Variants in PLCE1 observed in about 807,000 individuals in gnomAD.
PLCE1 encodes phospholipase C epsilon 1.
Under a neutral mutation model 242.8 loss-of-function variants are expected in PLCE1, and 119 were observed. The observed-to-expected ratio is 0.49, with a 90% CI of 0.42 to 0.57. The LOEUF is 0.57. PLCE1 is among the 20% of genes least tolerant of loss of function. PLCE1 has a pLI of 0.00. For synonymous variants in PLCE1, 945 were observed against 1,017.4 expected (o/e 0.93, Z 1.35); for missense variants, 2,441 against 2,788.8 (o/e 0.88, Z 2.81).
intron 5 of PLCE1, 44 bp downstream of exon 5, chr10:94,227,495 TC>T (rs1564807236): frequency 1.3e-6 from 2 of 1,567,410 alleles, no homozygotes; most frequent in South Asian, 1.1e-5. Context: ...CAATCGCTTC[TC>T]ATCACCTGAA....
intron 20 of PLCE1, among the ~76,000 whole-genome samples, chr10:94,282,415 A>G (rs1225387107): frequency 6.6e-6 from 1 of 152,078 alleles, no homozygotes; most frequent in East Asian, 1.9e-4. Context: ...TACACTGCAG[A>G]CAAATTTGAA....
At chr10:94,068,953 C>T (rs1021718310) in intron 2 of PLCE1, among the ~76,000 whole-genome samples, 24 of 152,264 alleles carry the variant, frequency 1.6e-4, no homozygotes, top group African/African-American at 5.8e-4. Flanking sequence ...TCACTACCCT[C>T]TTGCCCTGCC....
intron 3 of PLCE1, among the ~76,000 whole-genome samples, chr10:94,158,789 C>T (rs1590147977): frequency 6.8e-6 from 1 of 148,044 alleles, no homozygotes; most frequent in South Asian, 2.1e-4. Flanking sequence ...AATGTAACAA[C>T]AAAAACATTA....
intron 1 of PLCE1, among the ~76,000 whole-genome samples, chr10:94,023,321 G>A (rs1166549403): frequency 1.3e-5 from 2 of 152,106 alleles, no homozygotes; most frequent in Admixed American, 1.3e-4. Flanking sequence ...AATAGACTAG[G>A]ATTGACTTTT....
rs373376149 is a variant in PLCE1 at position 94,030,406 on chromosome 10, C to T, written c.-364-277C>T. ...TTCAGACATCAATGTCTGTGTTGCTCGTTGTTCAATATCTGAAAACCACTG... is the reference window on the plus strand; with the variant it reads ...TTCAGACATCAATGTCTGTGTTGCTTGTTGTTCAATATCTGAAAACCACTG... On this transcript the variant is annotated intron_variant, in intron 1 of 32. Coordinates refer to ENST00000371380, the MANE Select transcript of PLCE1 (RefSeq NM_016341.4). 1.9e-4 allele frequency among the ~76,000 whole-genome samples: 29 copies of T among 151,084 alleles called. No individual in the cohort carries two copies. The East Asian group carries it at 4.8e-3, about 25-fold the overall frequency.
chr10:94,103,249 A>G (rs1369247906), intron 2 of PLCE1, among the ~76,000 whole-genome samples: 2 of 152,326 alleles, frequency 1.3e-5, no homozygotes, highest in Middle Eastern at 3.4e-3. Context: ...TTTTACAGAT[A>G]GGCAAACTGA....
At chr10:94,198,050 T>G (rs1354466581) in intron 4 of PLCE1, among the ~76,000 whole-genome samples, 4 of 141,456 alleles carry the variant, frequency 2.8e-5, no homozygotes, top group African/African-American at 1.1e-4. Flanking sequence ...ACCTGTTGGA[T>G]GAACTGATGA....
chr10:94,008,191 CAAAAAAA>C (rs745999207), intron 1 of PLCE1, among the ~76,000 whole-genome samples: 1 of 55,210 alleles, frequency 1.8e-5, no homozygotes, highest in Non-Finnish European at 3.6e-5. Context: ...GACCTTGTCT[CAAAAAAA>C]AAAAAAAAAA....
chr10:94,295,138 G>A (rs907244742), intron 23 of PLCE1, among the ~76,000 whole-genome samples: 1 of 151,598 alleles, frequency 6.6e-6, no homozygotes. Context: ...GGGTGGTCTC[G>A]ATCTCCTCAC....
intron 2 of PLCE1, among the ~76,000 whole-genome samples, chr10:94,127,316 G>A (rs1413455948): frequency 6.6e-6 from 1 of 152,182 alleles, no homozygotes; most frequent in Non-Finnish European, 1.5e-5. Context: ...TGTGGCAGCA[G>A]TTGGACTGGC....
At chr10:94,052,181 C>T (rs2043784086) in intron 2 of PLCE1, among the ~76,000 whole-genome samples, 1 of 152,140 alleles carries the variant, frequency 6.6e-6, no homozygotes, top group African/African-American at 2.4e-5. Flanking sequence ...GTAACCAAAC[C>T]AAAAAGCAAT....
At position 94,235,062 on chromosome 10, in the gene PLCE1, TCA is replaced by T. The variant is rs3222767; in HGVS notation, c.2214+787_2214+788del. ...GATGACAGAACCTACTACTGACCTTTCACACACACACACACACACACACACAC... is the reference window on the plus strand; with the variant it reads ...GATGACAGAACCTACTACTGACCTTTCACACACACACACACACACACACAC... On this transcript the variant is annotated intron_variant, in intron 6 of 32. Transcript: ENST00000371380. 2.7e-3 allele frequency among the ~76,000 whole-genome samples: 367 copies of T among 135,524 alleles called. 5 individuals are homozygous for T. The highest frequency in any genetic ancestry group is 7.4e-3 in the Middle Eastern group (2 of 272). The allele number at this position is 135,524 out of a possible 152,430, so 88.9% of individuals were successfully genotyped here. A position where few individuals can be genotyped will look rare whatever the true frequency, so the allele number is the denominator to read the frequency against.
chr10:94,332,527 GT>G lies in PLCE1; in HGVS notation c.*4585del, dbSNP rs2054172776. The G allele has an allele frequency of 6.6e-6, 1 of 151,906 alleles. No individual in the cohort carries two copies. Among genetic ancestry groups the G allele is most frequent in the Non-Finnish European group, 1.5e-5 (1 of 68,038 alleles). The allele number at this position is 151,906 out of a possible 1,614,324, so 9.4% of individuals were successfully genotyped here. On this transcript the variant is annotated 3_prime_UTR_variant, in exon 33 of 33. Transcript: ENST00000371380. ...TGCCTGTGTGTGTGTGTGTGTGTGTGTGTGTGTGTGTGTGTGTGTGTTTAAA... is the reference window on the plus strand; with the variant it reads ...TGCCTGTGTGTGTGTGTGTGTGTGTGGTGTGTGTGTGTGTGTGTGTTTAAA...
intron 19 of PLCE1, among the ~76,000 whole-genome samples, chr10:94,276,130 G>A (rs185116163): frequency 4.4e-4 from 67 of 152,300 alleles, no homozygotes; most frequent in African/African-American, 1.5e-3. Flanking sequence ...TTGCCCTTGA[G>A]TCAGCCAGCC....
intron 2 of PLCE1, among the ~76,000 whole-genome samples, chr10:94,037,479 A>G (rs919798361): frequency 6.6e-6 from 1 of 152,196 alleles, no homozygotes. Context: ...GGACCTTGAG[A>G]CAATTAAAAT....
intron 19 of PLCE1, among the ~76,000 whole-genome samples, chr10:94,275,921 G>A (rs1446053766): frequency 6.6e-6 from 1 of 152,106 alleles, no homozygotes; most frequent in African/African-American, 2.4e-5. Flanking sequence ...CATATAGACT[G>A]TTCTTATGCC....
intron 8 of PLCE1, among the ~76,000 whole-genome samples, chr10:94,249,120 C>T (rs1479983739): frequency 6.6e-6 from 1 of 152,176 alleles, no homozygotes; most frequent in Admixed American, 6.5e-5. Flanking sequence ...TCAACCACTT[C>T]TGAAATATAG....
At chr10:94,319,862 C>CTTT (rs1564894048) in intron 29 of PLCE1, among the ~76,000 whole-genome samples, 1 of 86,198 alleles carries the variant, frequency 1.2e-5, no homozygotes. Context: ...CTCAAAGGTG[C>CTTT]TCTTTTTTTT....
intron 2 of PLCE1, among the ~76,000 whole-genome samples, chr10:94,056,925 GT>G (rs957631465): frequency 6.6e-6 from 1 of 151,820 alleles, no homozygotes; most frequent in Non-Finnish European, 1.5e-5. Flanking sequence ...TGTGACGGGC[GT>G]TTTTCACTTA....
Sources: allele counts gnomAD v4.1 joint callset (sites outside exome capture counted in the v4.1 genomes callset), GRCh38; gene constraint gnomAD v4.1.1; transcripts MANE v1.5; gene names NCBI Gene and HGNC (gene_info 2026-07-23, HGNC 2026-07-21).